ROBO1: variants seen among roughly 807,000 people sequenced by gnomAD.
ROBO1 encodes roundabout homolog 1.
In ROBO1, 149 loss-of-function variants were observed where a neutral mutation model predicts 195.9. That is an observed-to-expected ratio of 0.76 (90% CI 0.67 to 0.87). ROBO1 has a LOEUF of 0.87. Ranked by LOEUF, ROBO1 falls within the 40% of genes least tolerant of loss-of-function variation. The pLI is 0.00. For synonymous variants in ROBO1, 816 were observed against 733.2 expected (o/e 1.11, Z -1.82); for missense variants, 1,933 against 2,068.3 (o/e 0.93, Z 1.27).
chr3:78,936,633 T>C (rs758920133), intron 4 of ROBO1, among the ~76,000 whole-genome samples: 64 of 152,036 alleles, frequency 4.2e-4, no homozygotes, highest in Non-Finnish European at 8.8e-5. Flanking sequence ...TATGAGCTAT[T>C]GTACATAATT....
At chr3:79,279,282 CAAACAAAA>C (rs1345312442) in intron 2 of ROBO1, among the ~76,000 whole-genome samples, 1 of 151,630 alleles carries the variant, frequency 6.6e-6, no homozygotes, top group African/African-American at 2.4e-5. Flanking sequence ...AATAAACAAA[CAAACAAAA>C]AAACAAAAAC....
At chr3:79,367,713 C>A (rs140441269) in intron 2 of ROBO1, among the ~76,000 whole-genome samples, 39 of 152,288 alleles carry the variant, frequency 2.6e-4, no homozygotes, top group African/African-American at 9.1e-4. Flanking sequence ...CTCCTGAGTT[C>A]TCAGATTAAA....
intron 2 of ROBO1, among the ~76,000 whole-genome samples, chr3:79,307,962 T>G (rs2033298704): frequency 6.6e-6 from 1 of 152,166 alleles, no homozygotes; most frequent in African/African-American, 2.4e-5. Context: ...TTGTTTTCTT[T>G]TATTATCTTC....
At chr3:79,001,704 T>C (rs1055170077) in intron 3 of ROBO1, among the ~76,000 whole-genome samples, 2 of 152,140 alleles carry the variant, frequency 1.3e-5, no homozygotes, top group East Asian at 3.9e-4. Context: ...TGTCTAGATG[T>C]TTCTCAGCAA....
chr3:78,728,002 T>G (rs2082204238), intron 5 of ROBO1, among the ~76,000 whole-genome samples: 1 of 152,174 alleles, frequency 6.6e-6, no homozygotes. Flanking sequence ...TCAAAGCAAA[T>G]ATTTTATTTT....
chr3:79,195,204 A>G (rs1030364495), intron 2 of ROBO1, among the ~76,000 whole-genome samples: 1 of 151,598 alleles, frequency 6.6e-6, no homozygotes, highest in Non-Finnish European at 1.5e-5. Context: ...GGGAATAATA[A>G]TAATACCTCC....
At chr3:79,206,721 T>A (rs982234942) in intron 2 of ROBO1, among the ~76,000 whole-genome samples, 2 of 152,148 alleles carry the variant, frequency 1.3e-5, no homozygotes, top group Non-Finnish European at 2.9e-5. Context: ...TTAAAATAAT[T>A]TTGATTATTT....
At chr3:79,569,673 GTATATATGTGTGTGTGTATATA>G (rs1943211288) in intron 2 of ROBO1, among the ~76,000 whole-genome samples, 1 of 85,760 alleles carries the variant, frequency 1.2e-5, no homozygotes, top group African/African-American at 5.5e-5. Flanking sequence ...GTGTGTGTGT[GTATATATGTGTGTGTGTATATA>G]TATATGTGTG....
At chr3:79,673,755 T>C (rs184065095) in intron 1 of ROBO1, among the ~76,000 whole-genome samples, 405 of 152,128 alleles carry the variant, frequency 2.7e-3, no homozygotes, top group Non-Finnish European at 5.0e-3. Context: ...TGTTAACATA[T>C]CCTCATTTCT....
In ROBO1 at chr3:79,164,481, C is replaced by T. The variant is rs189104794; in HGVS notation, c.89-38942G>A. 1.2e-3 allele frequency among the ~76,000 whole-genome samples: 184 copies of T among 152,208 alleles called. 1 individual carries two copies. Among genetic ancestry groups the T allele is most frequent in the African/African-American group, 4.2e-3 (175 of 41,542 alleles). ...TTATAATGTAACCAGAATATAAGTACGTCTCTCCTCCTCTACCATCACTCT... is the reference window on the plus strand; with the variant it reads ...TTATAATGTAACCAGAATATAAGTATGTCTCTCCTCCTCTACCATCACTCT... On this transcript the variant is annotated intron_variant, in intron 2 of 30. Transcript: ENST00000464233.
At chr3:79,092,365 G>T (rs2079493680) in intron 3 of ROBO1, among the ~76,000 whole-genome samples, 1 of 152,064 alleles carries the variant, frequency 6.6e-6, no homozygotes, top group African/African-American at 2.4e-5. Flanking sequence ...ATTTTGAGAA[G>T]CCTTAGATGT....
intron 1 of ROBO1, among the ~76,000 whole-genome samples, chr3:79,618,956 C>T (rs35031538): frequency 0.3 from 45,160 of 152,112 alleles, 8,342 homozygotes; most frequent in African/African-American, 0.53. Context: ...GCGCCAGTCA[C>T]GAACTCAGGA....
At chr3:78,849,305 T>G (rs1467060547) in intron 4 of ROBO1, among the ~76,000 whole-genome samples, 1 of 152,174 alleles carries the variant, frequency 6.6e-6, no homozygotes, top group African/African-American at 2.4e-5. Flanking sequence ...AATGTTCTCA[T>G]AAACACATGT....
At chr3:79,616,716 C>G (rs1355822786) in intron 1 of ROBO1, among the ~76,000 whole-genome samples, 3 of 151,738 alleles carry the variant, frequency 2.0e-5, no homozygotes, top group Non-Finnish European at 4.4e-5. Flanking sequence ...CCCCCTTATC[C>G]ACTGCTGTGG....
At chr3:79,295,759 G>A (rs574388625) in intron 2 of ROBO1, among the ~76,000 whole-genome samples, 46 of 151,872 alleles carry the variant, frequency 3.0e-4, no homozygotes, top group Admixed American at 1.2e-3. Flanking sequence ...ATTTATAACC[G>A]GTAAGATAAC....
intron 2 of ROBO1, among the ~76,000 whole-genome samples, chr3:79,424,874 C>T (rs2038381791): frequency 6.6e-6 from 1 of 151,992 alleles, no homozygotes; most frequent in East Asian, 1.9e-4. Flanking sequence ...AGGCAGAGAA[C>T]ACAAGAATAG....
chr3:78,787,420 A>G (rs969294012), intron 4 of ROBO1, among the ~76,000 whole-genome samples: 2 of 152,096 alleles, frequency 1.3e-5, no homozygotes, highest in Non-Finnish European at 2.9e-5. Flanking sequence ...ATTTTTTTTT[A>G]TTATCCCATA....
intron 2 of ROBO1, among the ~76,000 whole-genome samples, chr3:79,162,939 G>T (rs1017415065): frequency 2.0e-5 from 3 of 152,010 alleles, no homozygotes; most frequent in Admixed American, 6.6e-5. Context: ...TGGTAATTCC[G>T]AGCCCTTTTA....
At chr3:79,456,708 C>T (rs1350325175) in intron 2 of ROBO1, among the ~76,000 whole-genome samples, 3 of 152,044 alleles carry the variant, frequency 2.0e-5, no homozygotes, top group Non-Finnish European at 2.9e-5. Flanking sequence ...TTAGGTCTAG[C>T]CCCTAGTAAA....
Sources: allele counts gnomAD v4.1 joint callset (sites outside exome capture counted in the v4.1 genomes callset), GRCh38; gene constraint gnomAD v4.1.1; transcripts MANE v1.5; gene names NCBI Gene and HGNC (gene_info 2026-07-23, HGNC 2026-07-21).